CEP128: variants seen among roughly 807,000 people sequenced by gnomAD.
CEP128 encodes centrosomal protein 128.
A neutral mutation model predicts 156.7 loss-of-function variants in CEP128; 132 were observed. The observed-to-expected ratio is 0.84, with a 90% CI of 0.73 to 0.97. The LOEUF is 0.97. Among genes scored for constraint, CEP128 ranks in the 50% least tolerant of loss-of-function variants. The probability of loss-of-function intolerance (pLI) is 0.00; values close to 1 mark genes in which losing one functional copy is unlikely to be tolerated. For missense variants in CEP128, 1,252 were observed against 1,281.9 expected (o/e 0.98, Z 0.36); for synonymous variants, 469 against 448.9 (o/e 1.04, Z -0.57).
intron 19 of CEP128, among the ~76,000 whole-genome samples, chr14:80,730,467 C>A (rs1225992581): frequency 6.6e-6 from 1 of 152,150 alleles, no homozygotes; most frequent in Non-Finnish European, 1.5e-5. Flanking sequence ...TTGACAGACC[C>A]AGGTGAACTT....
chr14:80,761,462 G>C lies in CEP128; in HGVS notation c.2528C>G (p.Ser843Cys), dbSNP rs766615722. 6.2e-7 allele frequency: 1 copy of C among 1,609,714 alleles called. No individual in the cohort carries two copies. The highest frequency in any genetic ancestry group is 2.2e-5 in the East Asian group (1 of 44,824). The change falls in exon 17 of 25, where the codon TCC (serine) becomes TGC (cysteine). Residue 843 changes from serine (S) to cysteine (C), a missense_variant. Coordinates refer to ENST00000555265, the MANE Select transcript of CEP128 (RefSeq NM_152446.5). ...KEIDAACKTF[S>C]KDSVEKLKVF... ...TTTTAATTTCTCCACTGAGTCCTTG[G>C]AGAATGTTTTACAAGCTGCATCAAT... is the stretch of plus-strand genomic sequence containing the variant.
In CEP128 at chr14:80,921,269, C is replaced by T. The variant is rs183635879; in HGVS notation, c.-15-4707G>A. 1.1e-3 allele frequency among the ~76,000 whole-genome samples: 162 copies of T among 152,210 alleles called. 1 individual carries two copies. Among genetic ancestry groups the T allele is most frequent in the African/African-American group, 3.6e-3 (149 of 41,524 alleles). On this transcript the variant is annotated intron_variant, in intron 2 of 24. Transcript: ENST00000555265. ...TGGGACCTTTAAAAGGTGATTGGGTCATGAAGGCTCCTCCCTTATGAATGG... is the reference window on the plus strand; with the variant it reads ...TGGGACCTTTAAAAGGTGATTGGGTTATGAAGGCTCCTCCCTTATGAATGG...
chr14:80,616,343 A>G (rs1361038736), intron 19 of CEP128, among the ~76,000 whole-genome samples: 1 of 152,134 alleles, frequency 6.6e-6, no homozygotes, highest in Non-Finnish European at 1.5e-5. Flanking sequence ...GTGTTCTTGC[A>G]TTTTCTCATT....
chr14:80,638,074 T>A (rs1203947180), intron 19 of CEP128, among the ~76,000 whole-genome samples: 1 of 152,226 alleles, frequency 6.6e-6, no homozygotes, highest in East Asian at 1.9e-4. Context: ...ATGTTTTTGA[T>A]AATTTGTTAC....
intron 13 of CEP128, among the ~76,000 whole-genome samples, chr14:80,821,020 A>T (rs577001117): frequency 1.1e-3 from 167 of 152,228 alleles, no homozygotes; most frequent in Non-Finnish European, 2.0e-3. Flanking sequence ...TGTTTATATT[A>T]GTCATATGTT....
intron 14 of CEP128, among the ~76,000 whole-genome samples, chr14:80,787,998 C>G (rs1392955210): frequency 1.3e-5 from 2 of 152,148 alleles, no homozygotes; most frequent in African/African-American, 4.8e-5. Context: ...CAATTCCTGA[C>G]AAGGGTGACA....
chr14:80,621,813 C>T (rs928018441), intron 19 of CEP128, among the ~76,000 whole-genome samples: 3 of 152,178 alleles, frequency 2.0e-5, no homozygotes, highest in Non-Finnish European at 4.4e-5. Context: ...TTTTTCCACT[C>T]ATCAGATGAA....
rs1259787704 is a variant in CEP128 at position 80,497,537 on chromosome 14, T to C, written c.3227A>G (p.Glu1076Gly). The stretch of plus-strand genomic sequence containing the variant: ...ACTTGTTCCATTCATTGTGGCATCT[T>C]CCTTGTTTGAAGCTGAATCTGGAGC... ...TVAPDSASNK[E>G]DATMNGTSSQ... The change falls in exon 25 of 25, where the codon GAA becomes GGA. Residue 1076 changes from glutamate to glycine, a missense_variant. Physicochemically the swap from Glu to Gly is moderately conservative, Grantham distance 98 (BLOSUM62 -2). Coordinates refer to ENST00000555265, the MANE Select transcript of CEP128 (RefSeq NM_152446.5). 10 of 1,613,702 alleles carry C rather than the reference T, an allele frequency of 6.2e-6. No homozygotes were observed. In the East Asian group the frequency reaches 2.2e-4, roughly 36 times the overall value.
intron 12 of CEP128, among the ~76,000 whole-genome samples, chr14:80,834,867 A>C (rs902524127): frequency 6.6e-6 from 1 of 152,224 alleles, no homozygotes; most frequent in Non-Finnish European, 1.5e-5. Context: ...ATACAAATAA[A>C]AATATGCTAA....
intron 17 of CEP128, among the ~76,000 whole-genome samples, chr14:80,760,587 C>T (rs1034335169): frequency 1.3e-5 from 2 of 151,960 alleles, no homozygotes; most frequent in Admixed American, 1.3e-4. Flanking sequence ...ATGTGAATGC[C>T]ATCATATCAC....
intron 20 of CEP128, among the ~76,000 whole-genome samples, chr14:80,568,588 C>T (rs899919065): frequency 1.6e-4 from 24 of 152,278 alleles, no homozygotes; most frequent in African/African-American, 4.3e-4. Flanking sequence ...TGATCAACAT[C>T]GAAGCAGAAA....
intron 16 of CEP128, among the ~76,000 whole-genome samples, chr14:80,776,350 T>C (rs989731576): frequency 5.9e-5 from 9 of 151,802 alleles, no homozygotes; most frequent in African/African-American, 1.7e-4. Flanking sequence ...AAACAAAGCA[T>C]GACATAGAAC....
chr14:80,705,282 T>TTGTGTG (rs150297420), intron 19 of CEP128, among the ~76,000 whole-genome samples: 1,594 of 150,824 alleles, frequency 0.011, 12 homozygotes, highest in Non-Finnish European at 0.014. Context: ...TTTATTCCAC[T>TTGTGTG]TGTGTGTGTG....
intron 19 of CEP128, among the ~76,000 whole-genome samples, chr14:80,739,698 A>G (rs1898709533): frequency 1.3e-5 from 2 of 152,172 alleles, no homozygotes; most frequent in Admixed American, 1.3e-4. Context: ...GAGTTAAATC[A>G]TAGTATACAA....
chr14:80,698,384 G>A (rs1448692159), intron 19 of CEP128, among the ~76,000 whole-genome samples: 3 of 152,066 alleles, frequency 2.0e-5, no homozygotes, highest in Non-Finnish European at 4.4e-5. Context: ...TAGGGAAGAT[G>A]CCTACCATTT....
At chr14:80,905,844 A>T in intron 5 of CEP128, 111 bp downstream of exon 5, 1 of 994,698 alleles carries the variant, frequency 1.0e-6, no homozygotes, top group Non-Finnish European at 1.5e-6. Context: ...ATGTACTATC[A>T]TCCAATCTGC....
intron 23 of CEP128, among the ~76,000 whole-genome samples, chr14:80,523,372 A>G (rs1438128929): frequency 6.6e-6 from 1 of 152,120 alleles, no homozygotes; most frequent in African/African-American, 2.4e-5. Flanking sequence ...TGAACCCCCA[A>G]TGCAGTTTAT....
chr14:80,672,041 T>C (rs968170160), intron 19 of CEP128, among the ~76,000 whole-genome samples: 4 of 151,680 alleles, frequency 2.6e-5, no homozygotes, highest in Admixed American at 2.6e-4. Flanking sequence ...AGATGACACA[T>C]ATAAATTCTG....
intron 9 of CEP128, among the ~76,000 whole-genome samples, chr14:80,843,306 T>G (rs7155765): frequency 0.96 from 146,224 of 152,050 alleles, 70,583 homozygotes; most frequent in East Asian, 1. Flanking sequence ...TCCCACACAG[T>G]CCAATGAAAT....
Sources: allele counts gnomAD v4.1 joint callset (sites outside exome capture counted in the v4.1 genomes callset), GRCh38; gene constraint gnomAD v4.1.1; transcripts MANE v1.5; gene names NCBI Gene and HGNC (gene_info 2026-07-23, HGNC 2026-07-21).